AFF2: variants seen among roughly 807,000 people sequenced by gnomAD.
The protein encoded by AFF2 is ALF transcription elongation factor 2, also known as AF4/FMR2 family member 2.
AFF2 carries 14 observed loss-of-function variants against 76.9 expected under a neutral mutation model. The observed-to-expected ratio is 0.18, with a 90% CI of 0.12 to 0.28. AFF2 has a LOEUF of 0.28. Ranked by LOEUF, AFF2 falls within the 10% of genes least tolerant of loss-of-function variation. AFF2 has a pLI of 1.00. For missense variants in AFF2, 868 were observed against 1,001.1 expected (o/e 0.87, Z 1.79); for synonymous variants, 398 against 366.7 (o/e 1.09, Z -0.98).
At chrX:148,903,278 T>TG (rs1486177244) in intron 8 of AFF2, among the ~76,000 whole-genome samples, 3 of 111,718 alleles carry the variant, frequency 2.7e-5, no homozygotes, top group African/African-American at 9.8e-5. Flanking sequence ...TACAGAAATA[T>TG]GAAAAAAAAA....
At chrX:148,563,018 G>A (rs1160780914) in intron 1 of AFF2, among the ~76,000 whole-genome samples, 3 of 112,234 alleles carry the variant, frequency 2.7e-5, no homozygotes, top group African/African-American at 9.7e-5. Flanking sequence ...TGTCTGAGAA[G>A]GCCCTGTTTG....
chrX:148,540,507 C>T (rs1208272289), intron 1 of AFF2, among the ~76,000 whole-genome samples: 2 of 108,785 alleles, frequency 1.8e-5, no homozygotes, highest in South Asian at 8.1e-4. Flanking sequence ...CCAGTATAGT[C>T]GCAGATGCTA....
chrX:148,958,484 T>C, intron 12 of AFF2, 26 bp downstream of exon 12: 1 of 1,196,858 alleles, frequency 8.4e-7, no homozygotes, highest in African/African-American at 1.7e-5. Flanking sequence ...CCCTGTCTGA[T>C]GGCTTGGTAT....
chrX:148,794,429 A>G (rs1259149065), intron 3 of AFF2, among the ~76,000 whole-genome samples: 2 of 111,873 alleles, frequency 1.8e-5, no homozygotes, highest in African/African-American at 6.5e-5. Context: ...TGATCAAGAA[A>G]CAAAAGCTAA....
At chrX:148,535,845 A>G (rs2052778605) in intron 1 of AFF2, among the ~76,000 whole-genome samples, 2 of 111,353 alleles carry the variant, frequency 1.8e-5, no homozygotes, top group African/African-American at 6.5e-5. Context: ...ATGTTGTACA[A>G]AGCTCCTCTA....
At chrX:148,857,753 T>TA (rs1398805960) in intron 7 of AFF2, among the ~76,000 whole-genome samples, 1 of 7,033 alleles carries the variant, frequency 1.4e-4, no homozygotes, top group African/African-American at 1.5e-4. Context: ...AAACTTCACA[T>TA]AAGTTTTATG....
At chrX:148,520,091 C>G (rs2052578397) in intron 1 of AFF2, among the ~76,000 whole-genome samples, 1 of 111,277 alleles carries the variant, frequency 9.0e-6, no homozygotes, top group Non-Finnish European at 1.9e-5. Flanking sequence ...ATGGACACAC[C>G]CAGCTGTATT....
intron 9 of AFF2, among the ~76,000 whole-genome samples, chrX:148,936,263 A>C (rs2071774567): frequency 8.9e-6 from 1 of 111,948 alleles, no homozygotes; most frequent in African/African-American, 3.2e-5. Flanking sequence ...GCACTGTCAA[A>C]CCATATTAGT....
chrX:148,562,731 C>T (rs547503942), intron 1 of AFF2, among the ~76,000 whole-genome samples: 12 of 111,746 alleles, frequency 1.1e-4, no homozygotes, highest in Middle Eastern at 4.6e-3. Flanking sequence ...CTTCCTCTCT[C>T]TTCCTCTCTT....
chrX:148,986,143 G>C lies in AFF2; in HGVS notation c.3624-1224G>C, dbSNP rs149738839. On this transcript the variant is annotated intron_variant, in intron 19 of 20. Transcript: ENST00000370460. Reference sequence around the variant, plus strand: ...GGGCAGAAGACAGAGTTCCTTGATTGTGTGATAAGGTGTGTTCAGAGGAAT... The same window carrying C: ...GGGCAGAAGACAGAGTTCCTTGATTCTGTGATAAGGTGTGTTCAGAGGAAT... 1.2e-3 allele frequency among the ~76,000 whole-genome samples: 129 copies of C among 110,273 alleles called. 1 individual carries two copies. The East Asian group carries it at 0.033, about 29-fold the overall frequency.
At chrX:148,527,308 C>T (rs1298926959) in intron 1 of AFF2, among the ~76,000 whole-genome samples, 1 of 112,035 alleles carries the variant, frequency 8.9e-6, no homozygotes, top group Non-Finnish European at 1.9e-5. Flanking sequence ...ATAAGTGCCC[C>T]TTTTCTTAAA....
chrX:148,878,532 A>G (rs1286660545), intron 7 of AFF2, among the ~76,000 whole-genome samples: 1 of 111,889 alleles, frequency 8.9e-6, no homozygotes, highest in African/African-American at 3.3e-5. Flanking sequence ...ATGGTCTTGA[A>G]TGAATTCCTA....
At position 148,954,266 on chromosome X, in the gene AFF2, A is replaced by T. The variant is rs143385715; in HGVS notation, c.1557+527A>T. Among the ~76,000 whole-genome samples the T allele has an allele frequency of 9.8e-5, 11 of 112,555 alleles. No homozygotes were observed. The East Asian group carries it at 3.1e-3, about 31-fold the overall frequency. ...TGATAATAATTCACCAAAACATTTAACACAGCTCCATGAAATACTAAAATA... is the reference window on the plus strand; with the variant it reads ...TGATAATAATTCACCAAAACATTTATCACAGCTCCATGAAATACTAAAATA... On this transcript the variant is annotated intron_variant, in intron 10 of 20. Transcript: ENST00000370460.
Position 148,630,537 on chromosome X carries a change from C to T in AFF2, c.48-21462C>T, listed in dbSNP as rs377543445. 1.1e-4 allele frequency among the ~76,000 whole-genome samples: 12 copies of T among 111,609 alleles called. No homozygotes were observed. In the East Asian group the frequency reaches 2.0e-3, roughly 19 times the overall value. ...TCCAAGGTGGGAGACAGCTTGCCTC[C>T]GCCCATTGCCCTCACTCCCGCCTAA... On this transcript the variant is annotated intron_variant, in intron 1 of 20. Transcript: ENST00000370460.
intron 7 of AFF2, among the ~76,000 whole-genome samples, chrX:148,844,451 T>C (rs2070640426): frequency 8.9e-6 from 1 of 112,304 alleles, no homozygotes; most frequent in African/African-American, 3.2e-5. Context: ...TTTCCTCATA[T>C]TAACTATTGT....
chrX:148,752,500 C>G (rs1557266556), intron 3 of AFF2, among the ~76,000 whole-genome samples: 1 of 111,663 alleles, frequency 9.0e-6, no homozygotes, highest in African/African-American at 3.3e-5. Context: ...AGTCCTAGCC[C>G]TGAATAGCAT....
intron 9 of AFF2, among the ~76,000 whole-genome samples, chrX:148,937,001 T>G (rs1557285093): frequency 1.8e-5 from 2 of 112,246 alleles, no homozygotes; most frequent in Non-Finnish European, 3.8e-5. Flanking sequence ...GGCTCCAGCC[T>G]TCTCCTGCAA....
At chrX:148,795,760 G>A (rs112222394) in intron 3 of AFF2, among the ~76,000 whole-genome samples, 1,327 of 72,361 alleles carry the variant, frequency 0.018, 38 homozygotes, top group African/African-American at 0.069. Flanking sequence ...CCGAGATCCC[G>A]CCATTGCACT....
chrX:148,975,308 T>C (rs2072307651), intron 16 of AFF2, among the ~76,000 whole-genome samples: 1 of 112,309 alleles, frequency 8.9e-6, no homozygotes, highest in Non-Finnish European at 1.9e-5. Flanking sequence ...AATTTGACAT[T>C]ATATGTAATA....
Sources: allele counts gnomAD v4.1 joint callset (sites outside exome capture counted in the v4.1 genomes callset), GRCh38; gene constraint gnomAD v4.1.1; transcripts MANE v1.5; gene names NCBI Gene and HGNC (gene_info 2026-07-23, HGNC 2026-07-21).